The following GFRA2 variants were observed in gnomAD, a reference collection of about 807,000 sequenced individuals.
GFRA2 encodes GDNF family receptor alpha-2.
GFRA2 carries 17 observed loss-of-function variants against 48.3 expected under a neutral mutation model. The observed-to-expected ratio is 0.35, with a 90% CI of 0.24 to 0.53. The LOEUF (loss-of-function observed/expected upper bound fraction) is 0.53, where lower values mean the gene tolerates loss of function less well. GFRA2 is among the 20% of genes least tolerant of loss of function. GFRA2 has a pLI of 0.93. For synonymous variants in GFRA2, 305 were observed against 257.2 expected, an observed-to-expected ratio of 1.19 and a Z score of -1.78; for missense variants, 660 against 637.3, an observed-to-expected ratio of 1.04 and a Z score of -0.38.
chr8:21,770,192 G>C (rs979601901), intron 3 of GFRA2, among the ~76,000 whole-genome samples: 1 of 152,210 alleles, frequency 6.6e-6, no homozygotes, highest in African/African-American at 2.4e-5. Context: ...CAGCGTGAAA[G>C]GTGGCCTCGA....
At chr8:21,704,198 C>A (rs531633086) in intron 6 of GFRA2, among the ~76,000 whole-genome samples, 2 of 152,236 alleles carry the variant, frequency 1.3e-5, no homozygotes, top group South Asian at 2.1e-4. Context: ...GCGCCCCCTG[C>A]CTCTTCAACT....
At chr8:21,714,825 A>C (rs1787018826) in intron 4 of GFRA2, among the ~76,000 whole-genome samples, 1 of 152,158 alleles carries the variant, frequency 6.6e-6, no homozygotes, top group Non-Finnish European at 1.5e-5. Context: ...GGCGGCCACC[A>C]GCACTGCCTG....
chr8:21,695,600 A>G (rs559511326), intron 7 of GFRA2, among the ~76,000 whole-genome samples: 2 of 152,232 alleles, frequency 1.3e-5, no homozygotes, highest in Admixed American at 1.3e-4. Context: ...GAGTGTCCCC[A>G]GGTGCCAAGG....
intron 2 of GFRA2, among the ~76,000 whole-genome samples, chr8:21,775,863 G>A (rs974325610): frequency 1.3e-5 from 2 of 152,150 alleles, no homozygotes; most frequent in Non-Finnish European, 2.9e-5. Context: ...ATGGCCCAGG[G>A]CTCCCCCAAA....
Position 21,744,016 on chromosome 8 carries a change from C to T in GFRA2, c.794+6572G>A, listed in dbSNP as rs563184115. Among the ~76,000 whole-genome samples, 377 of 152,314 alleles carry T rather than the reference C, an allele frequency of 2.5e-3. 2 individuals are homozygous for T. The highest frequency in any genetic ancestry group is 8.7e-3 in the African/African-American group (362 of 41,560). ...GAAGGCTTGGAAGCACCACAGCCCA[C>T]GTAACCCCGTGCAAGTAACCACTTG... On this transcript the variant is annotated intron_variant, in intron 4 of 8. Coordinates refer to ENST00000524240, the MANE Select transcript of GFRA2 (RefSeq NM_001495.5).
At chr8:21,732,061 G>C (rs2117502550) in intron 4 of GFRA2, among the ~76,000 whole-genome samples, 1 of 152,348 alleles carries the variant, frequency 6.6e-6, no homozygotes, top group Middle Eastern at 3.4e-3. Context: ...CCAGGCCCTG[G>C]GCCCAATGCA....
intron 1 of GFRA2, among the ~76,000 whole-genome samples, chr8:21,809,411 G>T (rs1038920170): frequency 6.6e-6 from 1 of 152,134 alleles, no homozygotes; most frequent in Admixed American, 6.5e-5. Flanking sequence ...GGCAAGCTCC[G>T]CCTCCCAGGT....
chr8:21,704,531 G>A (rs956100894), intron 6 of GFRA2, among the ~76,000 whole-genome samples: 1 of 152,212 alleles, frequency 6.6e-6, no homozygotes, highest in Non-Finnish European at 1.5e-5. Context: ...GATGGCAATG[G>A]GTGCTGGGCT....
chr8:21,772,453 G>A (rs774338580), intron 3 of GFRA2, among the ~76,000 whole-genome samples: 8 of 152,174 alleles, frequency 5.3e-5, no homozygotes, highest in South Asian at 4.1e-4. Context: ...ACAGGCAAGC[G>A]TGAGCCACTG....
Position 21,714,009 on chromosome 8 carries a change from C to T in GFRA2, c.795-7968G>A, listed in dbSNP as rs1803202842. Among the ~76,000 whole-genome samples the T allele has an allele frequency of 2.6e-5, 4 of 152,312 alleles. No individual in the cohort carries two copies. The South Asian group carries it at 8.3e-4, about 32-fold the overall frequency. On this transcript the variant is annotated intron_variant, in intron 4 of 8. Transcript: ENST00000524240. Reference sequence around the variant, plus strand: ...GAGTGCACGTGTTTGTGTACAAACACACACACACCTATCGCCACGGAGACA... The same window carrying T: ...GAGTGCACGTGTTTGTGTACAAACATACACACACCTATCGCCACGGAGACA...
intron 1 of GFRA2, among the ~76,000 whole-genome samples, chr8:21,810,602 C>A (rs1807959460): frequency 6.6e-6 from 1 of 152,240 alleles, no homozygotes; most frequent in Admixed American, 6.5e-5. Context: ...GACCCCATCT[C>A]AGTGGCTGTG....
chr8:21,764,018 C>T (rs1490779514), intron 3 of GFRA2, among the ~76,000 whole-genome samples: 1 of 147,988 alleles, frequency 6.8e-6, no homozygotes, highest in African/African-American at 2.5e-5. Flanking sequence ...CACCAGCTGA[C>T]TGGTCTCACT....
At chr8:21,755,003 G>A (rs181861221) in intron 3 of GFRA2, among the ~76,000 whole-genome samples, 1 of 152,268 alleles carries the variant, frequency 6.6e-6, no homozygotes, top group East Asian at 1.9e-4. Context: ...GTAAAGGTAT[G>A]ACACTCTGAA....
Position 21,693,475 on chromosome 8 carries a change from C to A in GFRA2, c.1273-75G>T, listed in dbSNP as rs73552633. 0.083 allele frequency: 117,360 copies of A among 1,415,762 alleles called. 7,893 individuals carry two copies. The highest frequency in any genetic ancestry group is 0.31 in the African/African-American group (21,606 of 69,976). The allele number at this position is 1,415,762 out of a possible 1,614,324, so 87.7% of individuals were successfully genotyped here. A position where few individuals can be genotyped will look rare whatever the true frequency, so the allele number is the denominator to read the frequency against. ...GAAAACAGTCAGGAGGCCTGGGACC[C>A]GGCAGAGAAACGGACTCAGGAACTG... On this transcript the variant is annotated intron_variant, in intron 8 of 8. Coordinates refer to ENST00000524240, the MANE Select transcript of GFRA2 (RefSeq NM_001495.5).
intron 4 of GFRA2, among the ~76,000 whole-genome samples, chr8:21,721,263 C>G (rs989914217): frequency 6.6e-6 from 1 of 152,208 alleles, no homozygotes. Context: ...TGCCTTTCCC[C>G]CCTTCCTCTT....
At chr8:21,697,178 C>T (rs968545511) in intron 7 of GFRA2, among the ~76,000 whole-genome samples, 1 of 14,560 alleles carries the variant, frequency 6.9e-5, no homozygotes, top group African/African-American at 2.8e-4. Context: ...GGGGAGGGGA[C>T]AGAGGAGAGG....
At chr8:21,781,661 C>G (rs1806993874) in intron 2 of GFRA2, among the ~76,000 whole-genome samples, 1 of 152,100 alleles carries the variant, frequency 6.6e-6, no homozygotes, top group Non-Finnish European at 1.5e-5. Context: ...CCGCACCTCC[C>G]CAGACTCGGC....
intron 4 of GFRA2, among the ~76,000 whole-genome samples, chr8:21,714,814 G>T (rs566275708): frequency 1.3e-5 from 2 of 152,234 alleles, no homozygotes; most frequent in South Asian, 4.2e-4. Context: ...ACACAAACAA[G>T]GGCGGCCACC....
chr8:21,722,670 C>T (rs4992979), intron 4 of GFRA2, among the ~76,000 whole-genome samples: 63,979 of 152,034 alleles, frequency 0.42, 15,359 homozygotes, highest in East Asian at 0.67. Flanking sequence ...CCGATACACG[C>T]GTGGCCACAC....
Sources: allele counts gnomAD v4.1 joint callset (sites outside exome capture counted in the v4.1 genomes callset), GRCh38; gene constraint gnomAD v4.1.1; transcripts MANE v1.5; gene names NCBI Gene and HGNC (gene_info 2026-07-23, HGNC 2026-07-21).